The following LRP2 variants were observed in gnomAD, a reference collection of about 807,000 sequenced individuals.
The protein encoded by LRP2 is low-density lipoprotein receptor-related protein 2.
LRP2 carries 172 observed loss-of-function variants against 531.0 expected under a neutral mutation model. The ratio of observed to expected loss-of-function variants is 0.32; its 90% CI spans 0.29 to 0.37. LRP2 has a LOEUF of 0.37. Among genes scored for constraint, LRP2 ranks in the 10% least tolerant of loss-of-function variants. The pLI is 1.00. For missense variants in LRP2, 5,167 were observed against 5,868.3 expected, an observed-to-expected ratio of 0.88 and a Z score of 3.90; for synonymous variants, 1,992 against 2,027.6, an observed-to-expected ratio of 0.98 and a Z score of 0.47.
intron 25 of LRP2, 99 bp from the exon 26 acceptor site, chr2:169,239,874 T>C: frequency 2.0e-6 from 2 of 1,012,196 alleles, no homozygotes; most frequent in Non-Finnish European, 3.1e-6. Flanking sequence ...TCATGCCACC[T>C]TCAATATGAT....
intron 1 of LRP2, among the ~76,000 whole-genome samples, chr2:169,337,860 A>G (rs894624618): frequency 1.3e-5 from 2 of 152,076 alleles, no homozygotes; most frequent in African/African-American, 4.8e-5. Context: ...TAATCCCAAC[A>G]CTTTGGGAGG....
chr2:169,232,569 C>T (rs556741831), intron 30 of LRP2, among the ~76,000 whole-genome samples: 3 of 151,994 alleles, frequency 2.0e-5, no homozygotes, highest in Non-Finnish European at 2.9e-5. Context: ...GGTTTCAGAA[C>T]ATGAGGGTAA....
rs145732930 is a variant in LRP2 at position 169,205,517 on chromosome 2, G to A, written c.7677C>T (p.Asp2559=). The change falls in exon 41 of 79, where the codon GAC becomes GAT. Residue 2559 remains aspartate (D), a synonymous_variant. Coordinates refer to ENST00000649046, the MANE Select transcript of LRP2 (RefSeq NM_004525.3). The part of the protein sequence containing the change: ...SLVMPSGLTL[D]YEEDLLYWVD... ...CCCAGTAGAGAAGGTCCTCTTCATA[G>A]TCCAGAGTCAGCCCACTGGGCATGA... The A allele has an allele frequency of 1.9e-6, 3 of 1,613,960 alleles. No individual in the cohort carries two copies. In the African/African-American group the frequency reaches 4.0e-5, roughly 22 times the overall value.
At chr2:169,216,114 T>C (rs1224693131) in intron 35 of LRP2, 139 bp downstream of exon 35, 45 of 878,348 alleles carry the variant, frequency 5.1e-5, no homozygotes, top group South Asian at 1.4e-5. Context: ...AGAGAAGTTA[T>C]TGGGAGAAGG....
At chr2:169,176,388 G>A (rs377696193) in intron 54 of LRP2, 23 bp downstream of exon 54, 3 of 1,613,820 alleles carry the variant, frequency 1.9e-6, no homozygotes, top group African/African-American at 2.7e-5. Flanking sequence ...GAGGCACTGA[G>A]GAGAGGGGAA....
Position 169,198,845 on chromosome 2 carries a change from T to C in LRP2, c.8519A>G (p.Tyr2840Cys). The change falls in exon 45 of 79, where the codon TAT (tyrosine) becomes TGT (cysteine). Residue 2840 changes from tyrosine to cysteine, a missense_variant. Tyr to Cys is a radical substitution (Grantham distance 194). This residue lies in a region of LRP2 where 1,129 missense variants were observed against 1,362.7 expected (regional missense o/e 0.83). Transcript: ENST00000649046. ...ACAGTCATTGTCTCCGTCACACAAA[T>C]AAACGCGAGGAATACAAATATTTGA... ...HNSNICIPRVYLCDGDNDCGD... is the reference protein window; with the variant it reads ...HNSNICIPRVCLCDGDNDCGD... The C allele has an allele frequency of 6.2e-6, 10 of 1,614,052 alleles. No homozygotes were observed. Among genetic ancestry groups the C allele is most frequent in the Non-Finnish European group, 7.6e-6 (9 of 1,179,924 alleles).
intron 16 of LRP2, among the ~76,000 whole-genome samples, chr2:169,262,735 G>GA (rs1255035619): frequency 1.0e-4 from 15 of 149,720 alleles, no homozygotes; most frequent in Non-Finnish European, 7.5e-5. Flanking sequence ...CACAGAATTG[G>GA]AAAAAACTAC....
At chr2:169,149,369 T>C (rs887503937) in intron 68 of LRP2, among the ~76,000 whole-genome samples, 10 of 152,202 alleles carry the variant, frequency 6.6e-5, no homozygotes, top group African/African-American at 1.9e-4. Flanking sequence ...TATATGCTTA[T>C]GCTTATAAAA....
At chr2:169,200,060 C>T (rs1412429017) in intron 44 of LRP2, among the ~76,000 whole-genome samples, 6 of 152,098 alleles carry the variant, frequency 3.9e-5, no homozygotes, top group South Asian at 2.1e-4. Flanking sequence ...ACCATCCTGG[C>T]TAACATGGTG....
intron 4 of LRP2, among the ~76,000 whole-genome samples, chr2:169,301,372 T>C (rs1423256230): frequency 2.7e-5 from 4 of 150,582 alleles, no homozygotes; most frequent in African/African-American, 7.3e-5. Flanking sequence ...AGAAGTAAAA[T>C]GGACCGCAGT....
rs755447641 is a variant in LRP2 at position 169,256,263 on chromosome 2, T to G, written c.2640-27A>C. On this transcript the variant is annotated intron_variant, in intron 18 of 78. Coordinates refer to ENST00000649046, the MANE Select transcript of LRP2 (RefSeq NM_004525.3). ...TAAAATAATAAAATATTTAGTTATC[T>G]CTTATCCAAAAACTATCAGAGCACC... The G allele has an allele frequency of 2.0e-5, 32 of 1,604,212 alleles. 1 individual carries two copies. Among genetic ancestry groups the G allele is most frequent in the Non-Finnish European group, 2.7e-5 (32 of 1,172,492 alleles).
At chr2:169,192,464 CA>C (rs5836222) in intron 47 of LRP2, among the ~76,000 whole-genome samples, 66,925 of 151,716 alleles carry the variant, frequency 0.44, 17,457 homozygotes, top group African/African-American at 0.73. Context: ...AACTGAAGCT[CA>C]AAGATGGTTA....
At chr2:169,189,856 GA>G (rs1469377793) in intron 48 of LRP2, among the ~76,000 whole-genome samples, 3 of 151,274 alleles carry the variant, frequency 2.0e-5, no homozygotes, top group Admixed American at 6.6e-5. Flanking sequence ...AAAGCTCAAG[GA>G]AAAAAAGAAA....
rs148158877 is a variant in LRP2 at position 169,320,937 on chromosome 2, G to A, written c.80-53C>T. ...ACTTATGCCATGCAGATATTTAACC[G>A]AAGAAATATAAATTTTTGATAAAAT... is the stretch of plus-strand genomic sequence containing the variant. On this transcript the variant is annotated intron_variant, in intron 1 of 78. Coordinates refer to ENST00000649046, the MANE Select transcript of LRP2 (RefSeq NM_004525.3). 2.1e-4 allele frequency: 265 copies of A among 1,239,608 alleles called. No individual in the cohort carries two copies. In the African/African-American group the frequency reaches 3.0e-3, roughly 14 times the overall value. The allele number at this position is 1,239,608 out of a possible 1,614,324, so 76.8% of individuals were successfully genotyped here.
chr2:169,283,223 T>C (rs760592091), intron 9 of LRP2, among the ~76,000 whole-genome samples: 1 of 152,178 alleles, frequency 6.6e-6, no homozygotes, highest in Non-Finnish European at 1.5e-5. Flanking sequence ...AGGATAACTT[T>C]ACAGAAAATG....
chr2:169,316,861 C>G (rs1260415106), intron 3 of LRP2, among the ~76,000 whole-genome samples: 1 of 152,066 alleles, frequency 6.6e-6, no homozygotes, highest in Non-Finnish European at 1.5e-5. Flanking sequence ...ATGACCAAAG[C>G]AGCTCAAAAG....
Position 169,146,833 on chromosome 2 carries a change from C to G in LRP2, c.12717G>C (p.Leu4239Phe), listed in dbSNP as rs1457062693. The G allele has an allele frequency of 6.2e-7, 1 of 1,614,132 alleles. No individual in the cohort carries two copies. The highest frequency in any genetic ancestry group is 1.1e-5 in the South Asian group (1 of 91,068). The change falls in exon 69 of 79, where the codon TTG becomes TTC. Residue 4239 changes from leucine (L) to phenylalanine (F), a missense_variant. By Grantham distance (22) the Leu-to-Phe change is conservative. Around this residue, in one of 6 missense-constraint regions of LRP2, gnomAD observed 564 missense variants for 747.7 expected, o/e 0.75. Coordinates refer to ENST00000649046, the MANE Select transcript of LRP2 (RefSeq NM_004525.3). ...CACTCCAGTAGATTCGGTCATTGTT[C>G]AAATAATCGATAGAAAGGCCAGTTG... is the stretch of plus-strand genomic sequence containing the variant. ...GWPTGLSIDY[L>F]NNDRIYWSDF...
chr2:169,156,197 T>C (rs2105361285), intron 65 of LRP2, 77 bp downstream of exon 65: 1 of 1,574,328 alleles, frequency 6.4e-7, no homozygotes, highest in Non-Finnish European at 8.7e-7. Flanking sequence ...GAAGCTGAAG[T>C]TTCTTTCATC....
rs551287867 is a variant in LRP2 at position 169,159,317 on chromosome 2, G to A, written c.11888-1815C>T. ...TCTGTTTTCCATAGTATGCAATGAGGTGAACTTAATCACTCTCAGAGTCCT... is the reference window on the plus strand; with the variant it reads ...TCTGTTTTCCATAGTATGCAATGAGATGAACTTAATCACTCTCAGAGTCCT... On this transcript the variant is annotated intron_variant, in intron 63 of 78. Coordinates refer to ENST00000649046, the MANE Select transcript of LRP2 (RefSeq NM_004525.3). 7.9e-5 allele frequency among the ~76,000 whole-genome samples: 12 copies of A among 152,156 alleles called. No homozygotes were observed. In the South Asian group the frequency reaches 1.5e-3, roughly 18 times the overall value.
Sources: gnomAD v4.1 joint callset for allele counts (sites outside exome capture counted in the v4.1 genomes callset) on GRCh38, gnomAD v4.1.1 for gene constraint, gnomAD v4.1.1 regional missense constraint, MANE v1.5 for transcripts, NCBI Gene and HGNC (gene_info 2026-07-23, HGNC 2026-07-21) for gene names.